STX8: variants seen among roughly 807,000 people sequenced by gnomAD.
STX8 encodes syntaxin-8.
In STX8, 23 loss-of-function variants were observed where a neutral mutation model predicts 37.5. That is an observed-to-expected ratio of 0.61 (90% confidence interval 0.44 to 0.87). The LOEUF (loss-of-function observed/expected upper bound fraction) is 0.87. Among genes scored for constraint, STX8 ranks in the 40% least tolerant of loss-of-function variants. The probability of loss-of-function intolerance (pLI) is 0.00; values close to 1 mark genes in which losing one functional copy is unlikely to be tolerated. For synonymous variants in STX8, 115 were observed against 99.1 expected, an observed-to-expected ratio of 1.16 and a Z score of -0.95; for missense variants, 313 against 284.7, an observed-to-expected ratio of 1.10 and a Z score of -0.71.
intron 7 of STX8, among the ~76,000 whole-genome samples, chr17:9,326,916 T>C (rs1003736130): frequency 2.0e-5 from 3 of 152,144 alleles, no homozygotes; most frequent in Non-Finnish European, 4.4e-5. Context: ...TCCCAGCAGT[T>C]TGGGAGGCTG....
At position 9,378,532 on chromosome 17, in the gene STX8, A is replaced by G. The variant is rs370147663; in HGVS notation, c.643+20T>C. 10 of 1,595,966 alleles carry G rather than the reference A, an allele frequency of 6.3e-6. No individual in the cohort carries two copies. The highest frequency in any genetic ancestry group is 1.7e-5 in the Admixed American group (1 of 59,984). ...CACAAGCTATGACAGAAACAGAGCC[A>G]TAACGTAGCTATCTCTTACCACAAG... On this transcript the variant is annotated intron_variant, in intron 7 of 7. Coordinates refer to ENST00000306357, the MANE Select transcript of STX8 (RefSeq NM_004853.3).
rs1913863151 is a variant in STX8, at chr17:9,429,986, A to ATTATATG, written c.542-51334_542-51333insCATATAA. Among the ~76,000 whole-genome samples the ATTATATG allele has an allele frequency of 9.6e-5, 2 of 20,738 alleles. 1 individual carries two copies. The highest frequency in any genetic ancestry group is 1.4e-4 in the Non-Finnish European group (2 of 14,434). The allele number at this position is 20,738 out of a possible 152,430, so 13.6% of individuals were successfully genotyped here. The stretch of plus-strand genomic sequence containing the variant: ...ATATATTATATATTATATAGAATAT[A>ATTATATG]TTATATATAATATATATATTATATA... On this transcript the variant is annotated intron_variant, in intron 6 of 7. Transcript: ENST00000306357.
chr17:9,525,297 T>C (rs184714927), intron 4 of STX8, among the ~76,000 whole-genome samples: 1 of 151,812 alleles, frequency 6.6e-6, no homozygotes, highest in African/African-American at 2.4e-5. Context: ...TATAAATACA[T>C]GGTCTTCTCA....
intron 6 of STX8, among the ~76,000 whole-genome samples, chr17:9,429,085 G>C (rs1913747506): frequency 6.6e-6 from 1 of 151,758 alleles, no homozygotes; most frequent in African/African-American, 2.4e-5. Context: ...CAGTTAACCA[G>C]AACATCCCAA....
At chr17:9,570,532 A>T (rs1907650280) in intron 1 of STX8, among the ~76,000 whole-genome samples, 1 of 151,972 alleles carries the variant, frequency 6.6e-6, no homozygotes, top group Non-Finnish European at 1.5e-5. Context: ...CATGTATATC[A>T]TTCATATATA....
chr17:9,476,812 CCTGCCCT>C (rs1906126201), intron 6 of STX8, among the ~76,000 whole-genome samples: 1 of 151,808 alleles, frequency 6.6e-6, no homozygotes, highest in Admixed American at 6.6e-5. Context: ...CCTCACGTGG[CCTGCCCT>C]CTGCATGTGT....
chr17:9,468,276 A>G (rs12450383), intron 6 of STX8, among the ~76,000 whole-genome samples: 37,253 of 151,662 alleles, frequency 0.25, 4,863 homozygotes, highest in South Asian at 0.34. Flanking sequence ...CACCCGGCTA[A>G]TTTTTGTATT....
At chr17:9,407,447 T>C (rs576902282) in intron 6 of STX8, among the ~76,000 whole-genome samples, 1 of 152,276 alleles carries the variant, frequency 6.6e-6, no homozygotes, top group East Asian at 1.9e-4. Flanking sequence ...TAGAAATGTG[T>C]TGACAAAAGG....
chr17:9,344,940 G>A (rs1910482975), intron 7 of STX8, among the ~76,000 whole-genome samples: 1 of 152,160 alleles, frequency 6.6e-6, no homozygotes, highest in Admixed American at 6.5e-5. Flanking sequence ...TTGCAGTTGT[G>A]TTTTAACCTG....
chr17:9,470,315 CTCTT>C (rs1335937171), intron 6 of STX8, among the ~76,000 whole-genome samples: 1 of 152,212 alleles, frequency 6.6e-6, no homozygotes, highest in Non-Finnish European at 1.5e-5. Context: ...CAGCTTCAGT[CTCTT>C]TCTTACGCTG....
chr17:9,250,559 G>C lies in STX8; in HGVS notation c.*19C>G. 10 of 1,579,494 alleles carry C rather than the reference G, an allele frequency of 6.3e-6. No homozygotes were observed. Among genetic ancestry groups the C allele is most frequent in the Non-Finnish European group, 8.6e-6 (10 of 1,162,018 alleles). ...TCTGTCATTGGCAGGTGTCACTGCTGGTGGTCTCTTTACTGCCATCAGTTG... is the reference window on the plus strand; with the variant it reads ...TCTGTCATTGGCAGGTGTCACTGCTCGTGGTCTCTTTACTGCCATCAGTTG... On this transcript the variant is annotated 3_prime_UTR_variant, in exon 8 of 8. Coordinates refer to ENST00000306357, the MANE Select transcript of STX8 (RefSeq NM_004853.3).
chr17:9,451,653 T>TA (rs2142403041), intron 6 of STX8, among the ~76,000 whole-genome samples: 1 of 152,222 alleles, frequency 6.6e-6, no homozygotes, highest in Admixed American at 6.5e-5. Context: ...CTCCTTTCAA[T>TA]AAAAAATGAA....
rs183978952 is a variant in STX8, at chr17:9,367,744, T to C, written c.643+10808A>G. Reference sequence around the variant, plus strand: ...AAAAACAGAAGGTTTGTTGTTGTTGTTGTTGAGACACAGTCTTGCTCTGTC... The same window carrying C: ...AAAAACAGAAGGTTTGTTGTTGTTGCTGTTGAGACACAGTCTTGCTCTGTC... On this transcript the variant is annotated intron_variant, in intron 7 of 7. Transcript: ENST00000306357. 1.8e-4 allele frequency among the ~76,000 whole-genome samples: 28 copies of C among 152,286 alleles called. No individual in the cohort carries two copies. The Middle Eastern group carries it at 0.01, about 55-fold the overall frequency.
chr17:9,322,619 A>G (rs1193410154), intron 7 of STX8, among the ~76,000 whole-genome samples: 1 of 152,102 alleles, frequency 6.6e-6, no homozygotes, highest in Admixed American at 6.5e-5. Flanking sequence ...TATTTATGCT[A>G]AAGAAATTTA....
At chr17:9,523,122 C>A (rs1264315454) in intron 4 of STX8, among the ~76,000 whole-genome samples, 3 of 151,758 alleles carry the variant, frequency 2.0e-5, no homozygotes, top group Non-Finnish European at 2.9e-5. Context: ...ACCATCCTGG[C>A]TAACACAGTG....
chr17:9,551,373 TA>T (rs149374470), intron 3 of STX8, among the ~76,000 whole-genome samples: 1 of 152,180 alleles, frequency 6.6e-6, no homozygotes, highest in South Asian at 2.1e-4. Context: ...CATGCATGAT[TA>T]AAAACTCCAC....
At chr17:9,332,670 A>G (rs1401269431) in intron 7 of STX8, among the ~76,000 whole-genome samples, 1 of 152,232 alleles carries the variant, frequency 6.6e-6, no homozygotes, top group Non-Finnish European at 1.5e-5. Flanking sequence ...GTAATGCAGA[A>G]CTGGATCCTT....
At position 9,253,700 on chromosome 17, in the gene STX8, A is replaced by G. The variant is rs575499799; in HGVS notation, c.644-3055T>C. Among the ~76,000 whole-genome samples the G allele has an allele frequency of 6.7e-4, 102 of 152,260 alleles. 1 individual carries two copies. In the South Asian group the frequency reaches 0.021, roughly 31 times the overall value. On this transcript the variant is annotated intron_variant, in intron 7 of 7. Coordinates refer to ENST00000306357, the MANE Select transcript of STX8 (RefSeq NM_004853.3). The stretch of plus-strand genomic sequence containing the variant: ...GCTCCTGAAGCTCCAGTGGGATCAC[A>G]GTTGGGAGGACACTTGGGCCCAGAA...
intron 7 of STX8, among the ~76,000 whole-genome samples, chr17:9,358,427 C>T (rs73270079): frequency 0.041 from 6,275 of 152,272 alleles, 419 homozygotes; most frequent in African/African-American, 0.14. Context: ...TGTTCATTCA[C>T]GGTCTTCAAC....
Sources: gnomAD v4.1 joint callset for allele counts (sites outside exome capture counted in the v4.1 genomes callset) on GRCh38, gnomAD v4.1.1 for gene constraint, MANE v1.5 for transcripts, NCBI Gene and HGNC (gene_info 2026-07-23, HGNC 2026-07-21) for gene names.